The following LRRTM4 variants were observed in gnomAD, a reference collection of about 807,000 sequenced individuals.
The protein encoded by LRRTM4 is leucine-rich repeat transmembrane neuronal protein 4.
Under a neutral mutation model 47.6 loss-of-function variants are expected in LRRTM4, and 25 were observed. The ratio of observed to expected loss-of-function variants is 0.53; its 90% CI spans 0.38 to 0.73. The LOEUF is 0.73. LRRTM4 is among the 30% of genes least tolerant of loss of function. The pLI is 0.00. For synonymous variants in LRRTM4, 311 were observed against 269.5 expected (o/e 1.15, Z -1.51); for missense variants, 638 against 713.4 (o/e 0.89, Z 1.20).
chr2:77,364,089 C>T (rs920318841), intron 3 of LRRTM4, among the ~76,000 whole-genome samples: 10 of 149,082 alleles, frequency 6.7e-5, no homozygotes, highest in African/African-American at 2.5e-4. Flanking sequence ...GCTCTCTTCT[C>T]AACCATATAT....
chr2:76,764,906 C>T (rs1034310707), intron 3 of LRRTM4, among the ~76,000 whole-genome samples: 1 of 152,164 alleles, frequency 6.6e-6, no homozygotes, highest in African/African-American at 2.4e-5. Flanking sequence ...TCCTTGGTTT[C>T]AACAAGCCAG....
At chr2:76,884,016 C>T (rs933677875) in intron 3 of LRRTM4, among the ~76,000 whole-genome samples, 14 of 150,840 alleles carry the variant, frequency 9.3e-5, no homozygotes, top group African/African-American at 3.4e-4. Context: ...ACTGGGGTCT[C>T]GCTATGTTGT....
At chr2:76,940,146 C>T (rs1675086750) in intron 3 of LRRTM4, among the ~76,000 whole-genome samples, 1 of 151,942 alleles carries the variant, frequency 6.6e-6, no homozygotes, top group African/African-American at 2.4e-5. Context: ...TGGGTATATA[C>T]CTAAAGCTAT....
intron 3 of LRRTM4, among the ~76,000 whole-genome samples, chr2:77,418,162 A>G (rs1558734348): frequency 6.6e-6 from 1 of 152,176 alleles, no homozygotes; most frequent in East Asian, 1.9e-4. Context: ...CGTAGACCCT[A>G]ACTAAATTTT....
intron 3 of LRRTM4, among the ~76,000 whole-genome samples, chr2:76,796,761 C>A (rs927050925): frequency 6.6e-6 from 1 of 151,714 alleles, no homozygotes; most frequent in Non-Finnish European, 1.5e-5. Context: ...CACCTCTCCT[C>A]CTCCAAAGGA....
chr2:76,889,821 A>G (rs1673193672), intron 3 of LRRTM4, among the ~76,000 whole-genome samples: 1 of 151,924 alleles, frequency 6.6e-6, no homozygotes, highest in Non-Finnish European at 1.5e-5. Context: ...GTAGAGAGAA[A>G]GAAGAAAGAG....
At chr2:77,410,412 C>G (rs978152825) in intron 3 of LRRTM4, among the ~76,000 whole-genome samples, 2 of 152,124 alleles carry the variant, frequency 1.3e-5, no homozygotes, top group African/African-American at 4.8e-5. Context: ...ATCTTAAGCC[C>G]TAAAGATTTT....
At chr2:76,829,282 T>C (rs1671269068) in intron 3 of LRRTM4, among the ~76,000 whole-genome samples, 1 of 151,888 alleles carries the variant, frequency 6.6e-6, no homozygotes, top group Admixed American at 6.6e-5. Context: ...CACATGTGTA[T>C]AAGGCTCCTC....
intron 3 of LRRTM4, among the ~76,000 whole-genome samples, chr2:77,316,939 G>A (rs1016139075): frequency 6.6e-6 from 1 of 152,126 alleles, no homozygotes; most frequent in Non-Finnish European, 1.5e-5. Context: ...AGAAATAGTT[G>A]AACATCAGTG....
At chr2:77,321,568 G>GAAAGA (rs1204766752) in intron 3 of LRRTM4, among the ~76,000 whole-genome samples, 77 of 113,266 alleles carry the variant, frequency 6.8e-4, no homozygotes, top group Non-Finnish European at 9.8e-4. Flanking sequence ...GGGGGTGTGT[G>GAAAGA]AAAGAAAAGA....
chr2:77,072,369 C>T (rs987170303), intron 3 of LRRTM4, among the ~76,000 whole-genome samples: 2 of 152,104 alleles, frequency 1.3e-5, no homozygotes, highest in South Asian at 4.1e-4. Context: ...TTTTTCATTG[C>T]AATTGAAACA....
At chr2:77,253,706 T>C (rs1573148690) in intron 3 of LRRTM4, among the ~76,000 whole-genome samples, 2 of 152,152 alleles carry the variant, frequency 1.3e-5, no homozygotes, top group East Asian at 3.9e-4. Flanking sequence ...GTGATATAAT[T>C]ATAAAATAGA....
intron 3 of LRRTM4, among the ~76,000 whole-genome samples, chr2:77,404,541 G>C (rs1284276443): frequency 6.6e-6 from 1 of 152,006 alleles, no homozygotes; most frequent in African/African-American, 2.4e-5. Flanking sequence ...ACTTAAAGTG[G>C]CAAAAGAGGC....
chr2:76,958,801 A>G (rs17405724), intron 3 of LRRTM4, among the ~76,000 whole-genome samples: 19,991 of 151,712 alleles, frequency 0.13, 1,679 homozygotes, highest in Admixed American at 0.21. Flanking sequence ...AAATTACTGT[A>G]AAATCTGCAG....
intron 3 of LRRTM4, among the ~76,000 whole-genome samples, chr2:76,973,822 C>G (rs540769875): frequency 1.8e-4 from 27 of 151,846 alleles, no homozygotes; most frequent in Non-Finnish European, 3.4e-4. Flanking sequence ...TCAATCTTTT[C>G]CCATCATTTG....
At chr2:77,012,290 T>C (rs1340590598) in intron 3 of LRRTM4, among the ~76,000 whole-genome samples, 1 of 151,986 alleles carries the variant, frequency 6.6e-6, no homozygotes, top group East Asian at 1.9e-4. Context: ...TTTCCAAGAA[T>C]AATCATTTTT....
At chr2:77,424,250 T>C (rs1475626171) in intron 3 of LRRTM4, among the ~76,000 whole-genome samples, 2 of 152,306 alleles carry the variant, frequency 1.3e-5, no homozygotes, top group East Asian at 1.9e-4. Context: ...TAGTTTATTG[T>C]TATTTTCATT....
chr2:77,012,570 G>A (rs1382324842), intron 3 of LRRTM4, among the ~76,000 whole-genome samples: 1 of 152,168 alleles, frequency 6.6e-6, no homozygotes, highest in African/African-American at 2.4e-5. Context: ...CTCATTGCAC[G>A]TTAAAGTTCT....
chr2:77,339,496 A>G (rs1671290272), intron 3 of LRRTM4, among the ~76,000 whole-genome samples: 2 of 152,196 alleles, frequency 1.3e-5, no homozygotes, highest in South Asian at 2.1e-4. Context: ...GCAGGTGTTC[A>G]ATAAATACTT....
Sources: gnomAD v4.1 joint callset for allele counts (sites outside exome capture counted in the v4.1 genomes callset) on GRCh38, gnomAD v4.1.1 for gene constraint, MANE v1.5 for transcripts, NCBI Gene and HGNC (gene_info 2026-07-23, HGNC 2026-07-21) for gene names.